Variants in RETSAT observed in about 807,000 individuals in gnomAD.
The protein encoded by RETSAT is retinol saturase, also known as all-trans-retinol 13,14-reductase.
RETSAT carries 35 observed loss-of-function variants against 61.6 expected under a neutral mutation model. The observed-to-expected ratio is 0.57, with a 90% confidence interval of 0.43 to 0.75. The LOEUF is 0.75. RETSAT is among the 30% of genes least tolerant of loss of function. The probability of loss-of-function intolerance (pLI) is 0.00; values close to 1 mark genes in which losing one functional copy is unlikely to be tolerated. For synonymous variants in RETSAT, 277 were observed against 310.4 expected (o/e 0.89, Z 1.13); for missense variants, 670 against 759.5 (o/e 0.88, Z 1.38).
In RETSAT at chr2:85,342,141, G is replaced by A. The variant is rs951728077; in HGVS notation, c.*1101C>T. ...AAATTTATTAATGTTACATTAACAC[G>A]AACTACAAAGAGACCTTTCGTATGT... is the stretch of plus-strand genomic sequence containing the variant. On this transcript the variant is annotated 3_prime_UTR_variant, in exon 11 of 11. Coordinates refer to ENST00000295802, the MANE Select transcript of RETSAT (RefSeq NM_017750.4). 1.6e-4 allele frequency: 41 copies of A among 262,634 alleles called. No individual in the cohort carries two copies. In the South Asian group the frequency reaches 2.2e-3, roughly 14 times the overall value. The allele number at this position is 262,634 out of a possible 1,614,324, so 16.3% of individuals were successfully genotyped here. A position where few individuals can be genotyped will look rare whatever the true frequency, so the allele number is the denominator to read the frequency against.
chr2:85,351,723 GC>G lies in RETSAT; in HGVS notation c.311del (p.Gly104AlafsTer92). 6.2e-7 allele frequency: 1 copy of G among 1,614,134 alleles called. No homozygotes were observed. Among genetic ancestry groups the G allele is most frequent in the East Asian group, 2.2e-5 (1 of 44,874 alleles). On this transcript the variant is annotated frameshift_variant, in exon 2 of 11. Transcript: ENST00000295802. LOFTEE classifies it high-confidence loss of function. ...LVLEQHTKAG[G>X]CCHTFGKNGL... ...CATTCTTTCCAAAGGTATGACAGCA[GC>G]CCCCTGCCTTGGTATGTTGTTCCAG...
intron 2 of RETSAT, 57 bp downstream of exon 2, chr2:85,351,623 C>G: frequency 6.5e-7 from 1 of 1,545,106 alleles, no homozygotes; most frequent in Non-Finnish European, 8.8e-7. Flanking sequence ...ACAAGGGCTG[C>G]TCCAAGCCTC....
intron 6 of RETSAT, 51 bp from the exon 7 acceptor site, chr2:85,344,783 A>G: frequency 1.3e-6 from 2 of 1,592,590 alleles, no homozygotes; most frequent in Non-Finnish European, 1.7e-6. Context: ...GGAGACGGCC[A>G]CTCCTTGCTC....
rs956972991 is a variant in RETSAT, at chr2:85,350,156, A to G, written c.683T>C (p.Leu228Pro). Residue 228 changes from leucine to proline, a missense_variant, in exon 4 of 11, where the codon CTG becomes CCG. Coordinates refer to ENST00000295802, the MANE Select transcript of RETSAT (RefSeq NM_017750.4). ...TTGAAGGAATGGAGAGAAACGAGTC[A>G]GCAGCCCACACCTGTCGAGGAGCTG... The part of the protein sequence containing the change: ...VVQLLDRCGL[L>P]TRFSPFLQAS... 2.5e-6 allele frequency: 4 copies of G among 1,614,014 alleles called. No homozygotes were observed. Among genetic ancestry groups the G allele is most frequent in the Non-Finnish European group, 3.4e-6 (4 of 1,180,026 alleles).
intron 5 of RETSAT, among the ~76,000 whole-genome samples, chr2:85,347,361 T>C (rs975522080): frequency 5.9e-5 from 9 of 152,136 alleles, no homozygotes; most frequent in African/African-American, 2.2e-4. Flanking sequence ...TCCAAGTAGC[T>C]AGGATTACAG....
At chr2:85,348,258 G>A (rs1335789591) in intron 5 of RETSAT, among the ~76,000 whole-genome samples, 1 of 152,068 alleles carries the variant, frequency 6.6e-6, no homozygotes, top group Non-Finnish European at 1.5e-5. Context: ...CATTCTATTG[G>A]CCACTGAACA....
intron 5 of RETSAT, among the ~76,000 whole-genome samples, chr2:85,347,410 G>A (rs1683220845): frequency 2.0e-5 from 3 of 152,086 alleles, no homozygotes; most frequent in Non-Finnish European, 4.4e-5. Context: ...GGTATTTTTA[G>A]TAAAGACAGG....
chr2:85,350,179 C>T lies in RETSAT; in HGVS notation c.660G>A (p.Gln220=), dbSNP rs1208065747. ...LLKFLPLPVV[Q]LLDRCGLLTR... ...TCAGCAGCCCACACCTGTCGAGGAG[C>T]TGAACCACGGGCAATGGGAGGAATT... The change falls in exon 4 of 11, where the codon CAG becomes CAA. Residue 220 remains glutamine (Q), a synonymous_variant. Transcript: ENST00000295802. The T allele has an allele frequency of 6.2e-7, 1 of 1,614,016 alleles. No individual in the cohort carries two copies. The highest frequency in any genetic ancestry group is 2.2e-5 in the East Asian group (1 of 44,874).
At chr2:85,347,670 T>G (rs1437419426) in intron 5 of RETSAT, among the ~76,000 whole-genome samples, 1 of 152,252 alleles carries the variant, frequency 6.6e-6, no homozygotes, top group African/African-American at 2.4e-5. Context: ...GCCCGGCCTC[T>G]TTTATCTCTA....
At chr2:85,352,218 C>A (rs149954730) in intron 1 of RETSAT, among the ~76,000 whole-genome samples, 58 of 151,970 alleles carry the variant, frequency 3.8e-4, no homozygotes, top group Non-Finnish European at 7.9e-4. Context: ...CCATGCCGGG[C>A]CATTTTATTT....
chr2:85,349,881 C>T (rs1683269296), intron 4 of RETSAT, 159 bp downstream of exon 4: 1 of 683,832 alleles, frequency 1.5e-6, no homozygotes, highest in South Asian at 1.9e-5. Flanking sequence ...CCAAGGAGTC[C>T]AGCAGGTGGC....
At position 85,351,004 on chromosome 2, in the gene RETSAT, G is replaced by T; in HGVS notation, c.373C>A (p.Arg125Ser). The part of the protein sequence containing the change: ...EFDTGIHYIG[R>S]MEEGSIGRFI... Reference sequence around the variant, plus strand: ...CGGCCAATGCTGCCCTCTTCCATACGCCCAATGTAATGGATTCCTGTTGGG... The same window carrying T: ...CGGCCAATGCTGCCCTCTTCCATACTCCCAATGTAATGGATTCCTGTTGGG... Residue 125 changes from arginine (R) to serine (S), a missense_variant, in exon 3 of 11, where the codon CGT becomes AGT. Arg to Ser is a moderately radical substitution (Grantham distance 110). Transcript: ENST00000295802. 6.2e-7 allele frequency: 1 copy of T among 1,614,080 alleles called. No homozygotes were observed. Among genetic ancestry groups the T allele is most frequent in the South Asian group, 1.1e-5 (1 of 91,078 alleles).
intron 6 of RETSAT, chr2:85,345,641 G>C (rs1683183952): frequency 2.5e-6 from 1 of 402,838 alleles, no homozygotes; most frequent in Non-Finnish European, 4.7e-6. Context: ...CTGCTCTCCT[G>C]CTTCTCTTCC....
In RETSAT at chr2:85,350,062, G is replaced by C; in HGVS notation, c.777C>G (p.Leu259=). The change falls in exon 4 of 11, where the codon CTC becomes CTG. Residue 259 remains leucine, a synonymous_variant. Coordinates refer to ENST00000295802, the MANE Select transcript of RETSAT (RefSeq NM_017750.4). ...CACCGTAAGTGGGGAAGATGTAGCT[G>C]AGTACTGCCTGGAGCTCAGAGGAGG... ...LGASSELQAV[L]SYIFPTYGVT... is the part of the protein sequence containing the mutation. The C allele has an allele frequency of 6.2e-7, 1 of 1,613,838 alleles. No individual in the cohort carries two copies. Among genetic ancestry groups the C allele is most frequent in the Non-Finnish European group, 8.5e-7 (1 of 1,180,008 alleles).
chr2:85,346,491 T>A (rs1257097986), intron 5 of RETSAT, among the ~76,000 whole-genome samples: 1 of 152,196 alleles, frequency 6.6e-6, no homozygotes, highest in Non-Finnish European at 1.5e-5. Context: ...CAGTGGTTCA[T>A]GCCTGTACTC....
Position 85,353,019 on chromosome 2 carries a change from T to A in RETSAT, c.173-1157A>T, listed in dbSNP as rs192401119. Among the ~76,000 whole-genome samples the A allele has an allele frequency of 2.7e-3, 405 of 152,340 alleles. 1 individual carries two copies. The highest frequency in any genetic ancestry group is 9.0e-3 in the African/African-American group (374 of 41,574). On this transcript the variant is annotated intron_variant, in intron 1 of 10. Transcript: ENST00000295802. ...GAACTTGGCAAACTGCTTATTTTTT[T>A]AATGTTTTTAGAGAGATCAATAGTA...
intron 6 of RETSAT, among the ~76,000 whole-genome samples, chr2:85,345,178 C>T (rs369029028): frequency 6.6e-6 from 1 of 152,168 alleles, no homozygotes; most frequent in African/African-American, 2.4e-5. Context: ...GAGGGGAGGC[C>T]GAGCAGGCTG....
chr2:85,348,720 G>A (rs1268774705), intron 5 of RETSAT, among the ~76,000 whole-genome samples: 1 of 151,104 alleles, frequency 6.6e-6, no homozygotes, highest in African/African-American at 2.4e-5. Flanking sequence ...CTGTTCTTTG[G>A]GGACCATGCA....
At chr2:85,344,421 C>CT in intron 7 of RETSAT, 73 bp from the exon 8 acceptor site, 1 of 1,553,222 alleles carries the variant, frequency 6.4e-7, no homozygotes, top group Non-Finnish European at 8.9e-7. Context: ...GCAAGGACTG[C>CT]TTATCCCTAG....
Sources: allele counts gnomAD v4.1 joint callset (sites outside exome capture counted in the v4.1 genomes callset), GRCh38; gene constraint gnomAD v4.1.1; transcripts MANE v1.5; gene names NCBI Gene and HGNC (gene_info 2026-07-23, HGNC 2026-07-21).